The following AK5 variants were observed in gnomAD, a reference collection of about 807,000 sequenced individuals.
The protein encoded by AK5 is adenylate kinase 5.
A neutral mutation model predicts 69.5 loss-of-function variants in AK5; 27 were observed. That is an observed-to-expected ratio of 0.39 (90% CI 0.29 to 0.54). The LOEUF is 0.54. Among genes scored for constraint, AK5 ranks in the 20% least tolerant of loss-of-function variants. The probability of loss-of-function intolerance (pLI) is 0.71; values close to 1 mark genes in which losing one functional copy is unlikely to be tolerated. For synonymous variants in AK5, 260 were observed against 244.4 expected (o/e 1.06, Z -0.60); for missense variants, 531 against 700.4 (o/e 0.76, Z 2.73).
chr1:77,366,036 C>T (rs1260889747), intron 6 of AK5, among the ~76,000 whole-genome samples: 1 of 151,966 alleles, frequency 6.6e-6, no homozygotes, highest in African/African-American at 2.4e-5. Flanking sequence ...CCACCTGTTC[C>T]CCGAAAACCT....
At chr1:77,410,353 C>T (rs2100568232) in intron 6 of AK5, among the ~76,000 whole-genome samples, 1 of 152,158 alleles carries the variant, frequency 6.6e-6, no homozygotes, top group African/African-American at 2.4e-5. Flanking sequence ...TCTTGGCTCA[C>T]TACAACCTCT....
intron 10 of AK5, among the ~76,000 whole-genome samples, chr1:77,499,516 C>T (rs957991505): frequency 1.3e-5 from 2 of 152,134 alleles, no homozygotes; most frequent in Non-Finnish European, 2.9e-5. Context: ...TGCATTGAAC[C>T]TATTTGGGCC....
At chr1:77,531,137 G>A (rs748048632) in intron 12 of AK5, among the ~76,000 whole-genome samples, 1 of 152,076 alleles carries the variant, frequency 6.6e-6, no homozygotes, top group Non-Finnish European at 1.5e-5. Context: ...TCTGATGTTC[G>A]GATGTGTTCG....
chr1:77,529,254 C>G (rs1242914933), intron 12 of AK5, among the ~76,000 whole-genome samples: 1 of 151,652 alleles, frequency 6.6e-6, no homozygotes, highest in East Asian at 1.9e-4. Flanking sequence ...GCGCCAGAAA[C>G]TGAACTTGAT....
chr1:77,336,360 A>G (rs1661361717), intron 5 of AK5, among the ~76,000 whole-genome samples: 2 of 152,142 alleles, frequency 1.3e-5, no homozygotes, highest in African/African-American at 4.8e-5. Flanking sequence ...GATTACAGGC[A>G]TGAGCCACTG....
chr1:77,437,233 T>G (rs1221258868), intron 8 of AK5, among the ~76,000 whole-genome samples: 3 of 152,130 alleles, frequency 2.0e-5, no homozygotes, highest in African/African-American at 7.2e-5. Flanking sequence ...GATAACATAC[T>G]TGATTGAAGT....
At chr1:77,548,459 G>A (rs2029769) in intron 13 of AK5, among the ~76,000 whole-genome samples, 2 of 152,198 alleles carry the variant, frequency 1.3e-5, no homozygotes, top group Non-Finnish European at 2.9e-5. Flanking sequence ...CTGGCAGTGA[G>A]GGATCCCTGT....
chr1:77,426,906 C>T (rs1332633239), intron 8 of AK5, among the ~76,000 whole-genome samples: 1 of 151,912 alleles, frequency 6.6e-6, no homozygotes, highest in African/African-American at 2.4e-5. Flanking sequence ...TAAAAAACCT[C>T]AAGAGAAATG....
intron 6 of AK5, among the ~76,000 whole-genome samples, chr1:77,370,820 G>T (rs367803145): frequency 6.6e-6 from 1 of 152,136 alleles, no homozygotes. Context: ...CAGATTCTGG[G>T]ATCCTCCATC....
At chr1:77,438,324 AC>A (rs1342049556) in intron 8 of AK5, among the ~76,000 whole-genome samples, 862 of 48,618 alleles carry the variant, frequency 0.018, 25 homozygotes, top group East Asian at 0.038. Context: ...AAAAAAAAAA[AC>A]AAGCTTGGGG....
intron 12 of AK5, among the ~76,000 whole-genome samples, chr1:77,525,393 G>T (rs1359934960): frequency 6.6e-6 from 1 of 152,218 alleles, no homozygotes; most frequent in Admixed American, 6.5e-5. Context: ...AAGAAAAGAG[G>T]TTATTTTGGC....
intron 10 of AK5, among the ~76,000 whole-genome samples, chr1:77,508,864 C>G (rs1570280690): frequency 9.0e-6 from 1 of 110,938 alleles, no homozygotes; most frequent in East Asian, 3.4e-4. Flanking sequence ...GAGACTCCAT[C>G]TCAAAAAAAA....
intron 5 of AK5, among the ~76,000 whole-genome samples, chr1:77,324,958 C>G (rs1240102423): frequency 1.4e-5 from 2 of 147,900 alleles, no homozygotes; most frequent in Non-Finnish European, 3.0e-5. Flanking sequence ...CAATTTAGAG[C>G]TGGATGTCAG....
chr1:77,376,020 T>C (rs1445316012), intron 6 of AK5, among the ~76,000 whole-genome samples: 1 of 152,180 alleles, frequency 6.6e-6, no homozygotes, highest in African/African-American at 2.4e-5. Context: ...TTATTAGAGA[T>C]TGGTGTAGTA....
At chr1:77,485,663 A>C (rs1243645121) in intron 9 of AK5, among the ~76,000 whole-genome samples, 2 of 152,252 alleles carry the variant, frequency 1.3e-5, no homozygotes, top group African/African-American at 2.4e-5. Flanking sequence ...CAAATGTTTT[A>C]AATGTGAAAT....
At chr1:77,333,647 G>A (rs1557504142) in intron 5 of AK5, among the ~76,000 whole-genome samples, 1 of 151,284 alleles carries the variant, frequency 6.6e-6, no homozygotes, top group Non-Finnish European at 1.5e-5. Flanking sequence ...AAGTCCTACT[G>A]GCTGCCTGTC....
chr1:77,353,485 G>GA (rs1456888737), intron 6 of AK5, among the ~76,000 whole-genome samples: 19 of 151,702 alleles, frequency 1.3e-4, no homozygotes, highest in Admixed American at 9.9e-4. Flanking sequence ...CTCAAAAAAA[G>GA]AAAAAAAATT....
intron 10 of AK5, among the ~76,000 whole-genome samples, chr1:77,512,849 T>A (rs1274718484): frequency 6.6e-6 from 1 of 152,074 alleles, no homozygotes; most frequent in Admixed American, 6.5e-5. Context: ...AAATGATGAG[T>A]TCATGTCCTT....
chr1:77,376,126 C>T (rs1647226724), intron 6 of AK5, among the ~76,000 whole-genome samples: 1 of 152,190 alleles, frequency 6.6e-6, no homozygotes, highest in South Asian at 2.1e-4. Context: ...AGCACAGCTT[C>T]AGACTCCTGG....
Sources: allele counts gnomAD v4.1 joint callset (sites outside exome capture counted in the v4.1 genomes callset), GRCh38; gene constraint gnomAD v4.1.1; transcripts MANE v1.5; gene names NCBI Gene and HGNC (gene_info 2026-07-23, HGNC 2026-07-21).